Variants in ATP9B observed in about 807,000 individuals in gnomAD.
The protein encoded by ATP9B is probable phospholipid-transporting ATPase IIB.
In ATP9B, 110 loss-of-function variants were observed where a neutral mutation model predicts 146.1. The observed-to-expected ratio is 0.75, with a 90% CI of 0.65 to 0.88. The LOEUF (loss-of-function observed/expected upper bound fraction) is 0.88. Ranked by LOEUF, ATP9B falls within the 40% of genes least tolerant of loss-of-function variation. The pLI is 0.00. For synonymous variants in ATP9B, 604 were observed against 569.7 expected, an observed-to-expected ratio of 1.06 and a Z score of -0.86; for missense variants, 1,499 against 1,496.4, an observed-to-expected ratio of 1.00 and a Z score of -0.03.
chr18:79,134,183 C>T (rs549908702), intron 5 of ATP9B, among the ~76,000 whole-genome samples: 5 of 152,226 alleles, frequency 3.3e-5, no homozygotes, highest in East Asian at 1.9e-4. Flanking sequence ...TCTCCTTTTC[C>T]CTCTTAGAGA....
chr18:79,214,977 GTC>G (rs202069187), intron 11 of ATP9B, among the ~76,000 whole-genome samples: 2,398 of 152,046 alleles, frequency 0.016, 66 homozygotes, highest in African/African-American at 0.055. Flanking sequence ...GTGAAACCCT[GTC>G]TCTACCAGAA....
chr18:79,247,767 T>C (rs944970988), intron 11 of ATP9B, among the ~76,000 whole-genome samples: 2 of 152,190 alleles, frequency 1.3e-5, no homozygotes, highest in Non-Finnish European at 2.9e-5. Flanking sequence ...ACAAAAAATA[T>C]AGTACTTTTT....
At chr18:79,197,314 G>A (rs1344839848) in intron 9 of ATP9B, among the ~76,000 whole-genome samples, 1 of 151,730 alleles carries the variant, frequency 6.6e-6, no homozygotes, top group Admixed American at 6.6e-5. Context: ...GAATCTGTTT[G>A]ATATGTTTGG....
chr18:79,140,218 A>T (rs190490458), intron 5 of ATP9B, among the ~76,000 whole-genome samples: 26 of 152,270 alleles, frequency 1.7e-4, no homozygotes, highest in Non-Finnish European at 2.9e-4. Flanking sequence ...GCCGACAGAG[A>T]TGGAGGAGCC....
chr18:79,326,692 C>T (rs2096749112), intron 15 of ATP9B, among the ~76,000 whole-genome samples: 1 of 152,228 alleles, frequency 6.6e-6, no homozygotes, highest in African/African-American at 2.4e-5. Context: ...CAGCTCTTCA[C>T]ACCCAGACAC....
At chr18:79,177,923 A>G (rs1483419925) in intron 8 of ATP9B, among the ~76,000 whole-genome samples, 1 of 152,156 alleles carries the variant, frequency 6.6e-6, no homozygotes, top group Non-Finnish European at 1.5e-5. Flanking sequence ...TATCTAGGAT[A>G]CTATGCATAA....
intron 11 of ATP9B, among the ~76,000 whole-genome samples, chr18:79,251,732 A>C (rs373028824): frequency 6.6e-6 from 1 of 152,222 alleles, no homozygotes; most frequent in African/African-American, 2.4e-5. Context: ...CTAGCTTTCT[A>C]TTGGGCAAAG....
chr18:79,110,198 C>G (rs970378755), intron 2 of ATP9B, among the ~76,000 whole-genome samples, 157 bp from the exon 3 acceptor site: 3 of 152,088 alleles, frequency 2.0e-5, no homozygotes, highest in Non-Finnish European at 2.9e-5. Context: ...TGTAACCAAC[C>G]TATTATAAGA....
intron 11 of ATP9B, among the ~76,000 whole-genome samples, chr18:79,228,084 G>T (rs1414024767): frequency 1.3e-5 from 2 of 152,178 alleles, no homozygotes; most frequent in African/African-American, 2.4e-5. Context: ...ATCAATGCAG[G>T]ACATATTAGA....
At chr18:79,317,651 G>T (rs772863325) in intron 15 of ATP9B, among the ~76,000 whole-genome samples, 17 of 152,180 alleles carry the variant, frequency 1.1e-4, no homozygotes, top group Admixed American at 2.0e-4. Context: ...TTACTCTAAG[G>T]TCCTTAGAGT....
In ATP9B at chr18:79,069,486, T is replaced by C. The variant is rs2071435176; in HGVS notation, c.76T>C (p.Tyr26His). ...AGCCAACCGCAAACGCGCGGCCTACTACAGCGCCGCGGGGCCCAGGCCGGG... is the reference window on the plus strand; with the variant it reads ...AGCCAACCGCAAACGCGCGGCCTACCACAGCGCCGCGGGGCCCAGGCCGGG... The part of the protein sequence containing the change: ...AAANRKRAAY[Y>H]SAAGPRPGAD... The change falls in exon 1 of 30, where the codon TAC becomes CAC. Residue 26 changes from tyrosine (Y) to histidine (H), a missense_variant. Transcript: ENST00000426216. 6.8e-7 allele frequency: 1 copy of C among 1,480,488 alleles called. No homozygotes were observed. 91.7% of individuals were successfully genotyped at this position (1,480,488 alleles called of 1,614,324 possible).
At chr18:79,262,863 T>C (rs1349825005) in intron 12 of ATP9B, among the ~76,000 whole-genome samples, 1 of 152,256 alleles carries the variant, frequency 6.6e-6, no homozygotes, top group Non-Finnish European at 1.5e-5. Flanking sequence ...TTATTAGTTA[T>C]AGCATGAATT....
intron 7 of ATP9B, among the ~76,000 whole-genome samples, chr18:79,173,909 T>C (rs1208049631): frequency 6.6e-6 from 1 of 152,230 alleles, no homozygotes; most frequent in Non-Finnish European, 1.5e-5. Flanking sequence ...ACAATGATAG[T>C]CATGAAGTCT....
intron 11 of ATP9B, among the ~76,000 whole-genome samples, chr18:79,217,855 G>A (rs1319093140): frequency 6.6e-6 from 1 of 152,188 alleles, no homozygotes; most frequent in Non-Finnish European, 1.5e-5. Context: ...ATGTACAGGG[G>A]AAATCTCATC....
At chr18:79,085,873 A>G (rs2073773657) in intron 1 of ATP9B, 1 of 151,574 alleles carries the variant, frequency 6.6e-6, no homozygotes, top group Admixed American at 6.6e-5. Context: ...TTCTTAGTAG[A>G]AGCAACACAG....
intron 4 of ATP9B, among the ~76,000 whole-genome samples, chr18:79,119,930 G>GA (rs1205128164): frequency 6.6e-6 from 1 of 152,102 alleles, no homozygotes; most frequent in African/African-American, 2.4e-5. Flanking sequence ...TAAAAACGCT[G>GA]AAAATCAAGA....
At chr18:79,133,860 TG>T (rs1371799945) in intron 5 of ATP9B, among the ~76,000 whole-genome samples, 1 of 152,224 alleles carries the variant, frequency 6.6e-6, no homozygotes, top group Admixed American at 6.5e-5. Flanking sequence ...GCCTGGCTGA[TG>T]GGACTTTACT....
intron 15 of ATP9B, among the ~76,000 whole-genome samples, chr18:79,309,854 A>C (rs936115848): frequency 2.0e-5 from 3 of 152,218 alleles, no homozygotes; most frequent in African/African-American, 4.8e-5. Context: ...AGAAGATGCA[A>C]AGTGAGTGTA....
At chr18:79,190,007 C>T (rs1010548479) in intron 8 of ATP9B, among the ~76,000 whole-genome samples, 10 of 152,186 alleles carry the variant, frequency 6.6e-5, no homozygotes, top group Non-Finnish European at 1.3e-4. Context: ...TGGTGCCGCA[C>T]CGCATTTCCA....
Sources: allele counts gnomAD v4.1 joint callset (sites outside exome capture counted in the v4.1 genomes callset), GRCh38; gene constraint gnomAD v4.1.1; transcripts MANE v1.5; gene names NCBI Gene and HGNC (gene_info 2026-07-23, HGNC 2026-07-21).